The following LPP variants were observed in gnomAD, a reference collection of about 807,000 sequenced individuals.
LPP encodes the protein lipoma-preferred partner.
In LPP, 38 loss-of-function variants were observed where a neutral mutation model predicts 60.4. The observed-to-expected ratio is 0.63, with a 90% CI of 0.49 to 0.83. The LOEUF (loss-of-function observed/expected upper bound fraction) is 0.83. LPP is among the 40% of genes least tolerant of loss of function. The pLI, the probability that LPP is intolerant of heterozygous loss-of-function variation, is 0.00. For synonymous variants in LPP, 328 were observed against 290.8 expected, an observed-to-expected ratio of 1.13 and a Z score of -1.30; for missense variants, 902 against 783.6, an observed-to-expected ratio of 1.15 and a Z score of -1.80.
intron 1 of LPP, among the ~76,000 whole-genome samples, chr3:188,209,334 C>G (rs1463912190): frequency 6.6e-6 from 1 of 152,198 alleles, no homozygotes; most frequent in East Asian, 1.9e-4. Flanking sequence ...GTAGAACACA[C>G]TAATAATGGG....
chr3:188,818,094 C>A (rs577134501), intron 9 of LPP, among the ~76,000 whole-genome samples: 74 of 152,290 alleles, frequency 4.9e-4, no homozygotes, highest in African/African-American at 1.6e-3. Context: ...GTAACGGGTG[C>A]ATATCCTGTA....
chr3:188,190,302 G>T (rs1419245355), intron 1 of LPP, among the ~76,000 whole-genome samples: 1 of 151,896 alleles, frequency 6.6e-6, no homozygotes, highest in Admixed American at 6.6e-5. Context: ...CATGTGATCC[G>T]CCCGCCTCGG....
At chr3:188,482,894 G>A (rs544549171) in intron 4 of LPP, among the ~76,000 whole-genome samples, 6 of 152,236 alleles carry the variant, frequency 3.9e-5, no homozygotes, top group East Asian at 3.9e-4. Flanking sequence ...CAAAGGCATC[G>A]ATCACACAGG....
chr3:188,721,889 C>T (rs1716565051), intron 8 of LPP, among the ~76,000 whole-genome samples: 2 of 152,122 alleles, frequency 1.3e-5, no homozygotes, highest in African/African-American at 4.8e-5. Flanking sequence ...TCTCATCTCT[C>T]ATATCACGAG....
intron 4 of LPP, among the ~76,000 whole-genome samples, chr3:188,479,471 A>G (rs1207068826): frequency 1.3e-5 from 2 of 152,228 alleles, no homozygotes; most frequent in Admixed American, 6.5e-5. Context: ...GACATCTGAG[A>G]TGTACGAGTC....
chr3:188,639,407 A>G (rs1016423459), intron 7 of LPP, among the ~76,000 whole-genome samples: 4 of 151,680 alleles, frequency 2.6e-5, no homozygotes, highest in Non-Finnish European at 5.9e-5. Context: ...TAAAACCATA[A>G]AAACCCTAGA....
chr3:188,351,728 A>G (rs930647948), intron 3 of LPP, among the ~76,000 whole-genome samples: 1 of 152,182 alleles, frequency 6.6e-6, no homozygotes, highest in Non-Finnish European at 1.5e-5. Flanking sequence ...TAGTGGATAG[A>G]TGCTTCCCTC....
chr3:188,731,214 G>A (rs1001474566), intron 8 of LPP, among the ~76,000 whole-genome samples: 4 of 152,088 alleles, frequency 2.6e-5, no homozygotes, highest in African/African-American at 7.2e-5. Context: ...CATGCATGGC[G>A]GGGACCTAAA....
intron 11 of LPP, among the ~76,000 whole-genome samples, chr3:188,873,519 T>G (rs1768705949): frequency 6.6e-6 from 1 of 152,152 alleles, no homozygotes; most frequent in African/African-American, 2.4e-5. Flanking sequence ...ATAACACTTT[T>G]CAAAATGGAC....
chr3:188,676,068 C>T (rs1238160765), intron 7 of LPP, among the ~76,000 whole-genome samples: 1 of 151,812 alleles, frequency 6.6e-6, no homozygotes, highest in Non-Finnish European at 1.5e-5. Flanking sequence ...TGGCTTTGGT[C>T]TGTAATAGAT....
intron 6 of LPP, among the ~76,000 whole-genome samples, chr3:188,559,205 A>T (rs1226622974): frequency 2.0e-5 from 3 of 152,058 alleles, no homozygotes; most frequent in African/African-American, 7.2e-5. Flanking sequence ...ATTCCTTGTG[A>T]TGACATATGA....
At chr3:188,435,509 GT>G (rs1792077994) in intron 4 of LPP, among the ~76,000 whole-genome samples, 1 of 152,082 alleles carries the variant, frequency 6.6e-6, no homozygotes, top group African/African-American at 2.4e-5. Flanking sequence ...TTGTTTCTCT[GT>G]TGGGGGGAGG....
chr3:188,875,207 G>T lies in LPP; in HGVS notation c.*728G>T, dbSNP rs1769109310. On this transcript the variant is annotated 3_prime_UTR_variant, in exon 12 of 12. Coordinates refer to ENST00000617246, the MANE Select transcript of LPP (RefSeq NM_001375462.1). ...ATATTTTTCTAAAGAAATTACAGGT[G>T]GGATATGCTAGAAAAGGCATTTTGG... 4.6e-6 allele frequency: 1 copy of T among 217,706 alleles called. No individual in the cohort carries two copies. The highest frequency in any genetic ancestry group is 1.8e-4 in the South Asian group (1 of 5,418). The allele number at this position is 217,706 out of a possible 1,614,324, so 13.5% of individuals were successfully genotyped here.
chr3:188,249,107 G>A (rs1011461172), intron 2 of LPP, among the ~76,000 whole-genome samples: 1 of 152,108 alleles, frequency 6.6e-6, no homozygotes, highest in Non-Finnish European at 1.5e-5. Flanking sequence ...AATTAAAATA[G>A]CCAGGTGCTA....
chr3:188,165,575 C>T (rs753290094), intron 1 of LPP, among the ~76,000 whole-genome samples: 26 of 152,150 alleles, frequency 1.7e-4, no homozygotes, highest in Non-Finnish European at 1.0e-4. Flanking sequence ...GAAGTTGAGA[C>T]TGCATTCTGA....
intron 7 of LPP, among the ~76,000 whole-genome samples, chr3:188,706,035 G>A (rs1865413708): frequency 1.3e-5 from 2 of 152,036 alleles, no homozygotes; most frequent in Non-Finnish European, 1.5e-5. Context: ...CTTACAGAAG[G>A]TACACAAAAT....
chr3:188,567,301 G>A (rs890820264), intron 6 of LPP, among the ~76,000 whole-genome samples: 9 of 151,872 alleles, frequency 5.9e-5, no homozygotes, highest in African/African-American at 2.2e-4. Context: ...AAATGGGGAT[G>A]ATAATAGGAC....
intron 2 of LPP, among the ~76,000 whole-genome samples, chr3:188,280,436 G>C (rs1378864086): frequency 1.3e-5 from 2 of 152,134 alleles, no homozygotes; most frequent in African/African-American, 4.8e-5. Flanking sequence ...CCGCATCTCA[G>C]GATACAGAAG....
intron 9 of LPP, among the ~76,000 whole-genome samples, chr3:188,781,064 G>A (rs1182879657): frequency 6.6e-6 from 1 of 152,236 alleles, no homozygotes; most frequent in Non-Finnish European, 1.5e-5. Flanking sequence ...GGTGTTATGT[G>A]TATTCACTGG....
Sources: allele counts gnomAD v4.1 joint callset (sites outside exome capture counted in the v4.1 genomes callset), GRCh38; gene constraint gnomAD v4.1.1; transcripts MANE v1.5; gene names NCBI Gene and HGNC (gene_info 2026-07-23, HGNC 2026-07-21).